Variants in KCNG2 observed in about 807,000 individuals in gnomAD.
KCNG2 encodes the protein potassium voltage-gated channel modifier subfamily G member 2.
KCNG2 carries 7 observed loss-of-function variants against 12.3 expected under a neutral mutation model. The ratio of observed to expected loss-of-function variants is 0.57; its 90% CI spans 0.32 to 1.07. KCNG2 has a LOEUF of 1.07. KCNG2 is among the 50% of genes least tolerant of loss of function. The probability of loss-of-function intolerance (pLI) is 0.04; values close to 1 mark genes in which losing one functional copy is unlikely to be tolerated. For synonymous variants in KCNG2, 414 were observed against 351.4 expected (o/e 1.18, Z -1.99); for missense variants, 703 against 726.0 (o/e 0.97, Z 0.36).
chr18:79,870,262 G>A (rs1395274765), intron 3 of KCNG2, among the ~76,000 whole-genome samples: 3 of 152,282 alleles, frequency 2.0e-5, no homozygotes, highest in Non-Finnish European at 4.4e-5. Flanking sequence ...CCTAATGGCT[G>A]CGGAATAATC....
At position 79,884,297 on chromosome 18, in the gene KCNG2, C is replaced by T. The variant is rs1309791896; in HGVS notation, c.625-14743C>T. On this transcript the variant is annotated intron_variant, in intron 3 of 3. Transcript: ENST00000316249. The surrounding 1 kb of genome is among the most constrained non-coding windows in gnomAD (Gnocchi z 5.5). The stretch of plus-strand genomic sequence containing the variant: ...CCACACCTGCACCCCCAAGAGAATT[C>T]GCCCCATCTAGGTCCCACCTAATGA... Among the ~76,000 whole-genome samples, 3 of 151,222 alleles carry T rather than the reference C, an allele frequency of 2.0e-5. No homozygotes were observed. Among genetic ancestry groups the T allele is most frequent in the East Asian group, 2.0e-4 (1 of 5,022 alleles).
chr18:79,895,702 T>G (rs1980946086), intron 3 of KCNG2, among the ~76,000 whole-genome samples: 1 of 151,982 alleles, frequency 6.6e-6, no homozygotes, highest in Admixed American at 6.6e-5. Context: ...TGAGTCTGTG[T>G]CTGCTTTTGA....
intron 3 of KCNG2, among the ~76,000 whole-genome samples, chr18:79,880,440 A>T (rs924232792): frequency 2.6e-5 from 4 of 152,176 alleles, no homozygotes; most frequent in African/African-American, 7.2e-5. Flanking sequence ...TATGGTAATT[A>T]AAAAAATTAA....
At chr18:79,839,313 ATAAT>A (rs1978391132) in intron 1 of KCNG2, among the ~76,000 whole-genome samples, 1 of 152,176 alleles carries the variant, frequency 6.6e-6, no homozygotes, top group Non-Finnish European at 1.5e-5. Context: ...AAATAAATAA[ATAAT>A]TCCTGGCAAG....
At chr18:79,878,637 T>C (rs1980173615) in intron 3 of KCNG2, among the ~76,000 whole-genome samples, 1 of 152,254 alleles carries the variant, frequency 6.6e-6, no homozygotes, top group South Asian at 2.1e-4. Context: ...TTTAAGTTCC[T>C]GATTTTTTTT....
At chr18:79,816,138 C>T (rs1033782980) in intron 1 of KCNG2, 9 of 152,224 alleles carry the variant, frequency 5.9e-5, no homozygotes, top group African/African-American at 2.2e-4. Flanking sequence ...AACATCAAAA[C>T]ATACCGTGCC....
At chr18:79,819,030 A>C (rs1307188355) in intron 1 of KCNG2, among the ~76,000 whole-genome samples, 1 of 152,230 alleles carries the variant, frequency 6.6e-6, no homozygotes, top group African/African-American at 2.4e-5. Context: ...GAATGAGAAA[A>C]CAGACATCTA....
At chr18:79,832,224 C>T (rs902973648) in intron 1 of KCNG2, among the ~76,000 whole-genome samples, 8 of 148,880 alleles carry the variant, frequency 5.4e-5, no homozygotes, top group Non-Finnish European at 7.5e-5. Context: ...TTCCTCACCC[C>T]TCCTTCCTCA....
chr18:79,866,919 C>T (rs1248402742), intron 3 of KCNG2, among the ~76,000 whole-genome samples: 1 of 139,322 alleles, frequency 7.2e-6, no homozygotes, highest in African/African-American at 2.8e-5. Flanking sequence ...TCCGAGAGGT[C>T]TGGGTGCTGA....
chr18:79,856,112 G>A (rs1487086015), intron 1 of KCNG2, among the ~76,000 whole-genome samples: 1 of 152,216 alleles, frequency 6.6e-6, no homozygotes, highest in Non-Finnish European at 1.5e-5. Context: ...ATTTTAAAAT[G>A]TATGTTCTGG....
chr18:79,807,463 G>A (rs936646030), intron 1 of KCNG2, among the ~76,000 whole-genome samples: 1 of 152,148 alleles, frequency 6.6e-6, no homozygotes, highest in Admixed American at 6.5e-5. Context: ...TCAGCGGCGC[G>A]GACTGCTCTG....
chr18:79,817,055 G>A (rs2087534578), intron 1 of KCNG2, among the ~76,000 whole-genome samples: 2 of 150,978 alleles, frequency 1.3e-5, no homozygotes, highest in South Asian at 4.2e-4. Flanking sequence ...ATGTTACACG[G>A]CTGTCATACA....
rs781652835 is a variant in KCNG2, at chr18:79,899,341, G to A, written c.926G>A (p.Arg309His). ...MRLARHSLGL[R>H]SLGLTMRRCA... ...CTGGCGCGCCACTCGCTGGGGCTGC[G>A]TTCGCTGGGCCTGACCATGCGCCGC... Residue 309 changes from arginine (R) to histidine (H), a missense_variant, in exon 4 of 4, where the codon CGT (arginine) becomes CAT (histidine). Transcript: ENST00000316249. 56 of 1,552,152 alleles carry A rather than the reference G, an allele frequency of 3.6e-5. No individual in the cohort carries two copies. Among genetic ancestry groups the A allele is most frequent in the Non-Finnish European group, 4.7e-5 (54 of 1,157,524 alleles).
chr18:79,837,903 A>G (rs535284568), intron 1 of KCNG2, among the ~76,000 whole-genome samples: 1 of 152,316 alleles, frequency 6.6e-6, no homozygotes, highest in African/African-American at 2.4e-5. Context: ...TTTCACGCCT[A>G]TACAGAACTA....
intron 1 of KCNG2, among the ~76,000 whole-genome samples, chr18:79,840,535 G>C (rs917659153): frequency 6.6e-6 from 1 of 152,030 alleles, no homozygotes; most frequent in Admixed American, 6.6e-5. Flanking sequence ...TCCCCAAATT[G>C]ATATAAAAAT....
In KCNG2 at chr18:79,868,650, C is replaced by T. The variant is rs540392646; in HGVS notation, c.624+4359C>T. Among the ~76,000 whole-genome samples, 10 of 152,318 alleles carry T rather than the reference C, an allele frequency of 6.6e-5. No homozygotes were observed. In the South Asian group the frequency reaches 1.9e-3, roughly 28 times the overall value. ...CGTCCAGCTGGGGGCTGGTGAAGGA[C>T]GTCACCTTTTGTCCACTTGATTGAT... On this transcript the variant is annotated intron_variant, in intron 3 of 3. Transcript: ENST00000316249.
rs779560490 is a variant in KCNG2 at position 79,838,496 on chromosome 18, G to A, written c.-114-17883G>A. On this transcript the variant is annotated intron_variant, in intron 1 of 3. Transcript: ENST00000316249. ...TGCAATCATGGCTCATTGCAGCCTC[G>A]ACCTCCTGGGCTCCAGCAGTCCTTC... is the stretch of plus-strand genomic sequence containing the variant. Among the ~76,000 whole-genome samples, 9 of 149,432 alleles carry A rather than the reference G, an allele frequency of 6.0e-5. 1 individual carries two copies. The South Asian group carries it at 1.3e-3, about 21-fold the overall frequency.
At chr18:79,801,866 C>T (rs543030420) in intron 1 of KCNG2, among the ~76,000 whole-genome samples, 19 of 152,350 alleles carry the variant, frequency 1.2e-4, no homozygotes, top group Admixed American at 2.6e-4. Context: ...TCCCCGCCCT[C>T]GCATGGAGGG....
At chr18:79,816,345 CA>C (rs1478226389) in intron 1 of KCNG2, 1 of 152,324 alleles carries the variant, frequency 6.6e-6, no homozygotes, top group Non-Finnish European at 1.5e-5. Flanking sequence ...GCGGAGGACC[CA>C]GCACGTCTGT....
Sources: gnomAD v4.1 joint callset for allele counts (sites outside exome capture counted in the v4.1 genomes callset) on GRCh38, gnomAD v4.1.1 for gene constraint, Gnocchi (gnomAD v3.1) non-coding constraint, MANE v1.5 for transcripts, NCBI Gene and HGNC (gene_info 2026-07-23, HGNC 2026-07-21) for gene names.